Variants in RALY observed in about 807,000 individuals in gnomAD.
RALY encodes the protein RALY heterogeneous nuclear ribonucleoprotein, also known as RNA-binding protein Raly.
A neutral mutation model predicts 30.7 loss-of-function variants in RALY; 15 were observed. That is an observed-to-expected ratio of 0.49 (90% CI 0.33 to 0.75). The LOEUF is 0.75. Among genes scored for constraint, RALY ranks in the 30% least tolerant of loss-of-function variants. The pLI is 0.02. For synonymous variants in RALY, 177 were observed against 170.8 expected (o/e 1.04, Z -0.28); for missense variants, 339 against 414.3 (o/e 0.82, Z 1.58).
chr20:34,003,740 C>T (rs1403789302), intron 1 of RALY, among the ~76,000 whole-genome samples: 2 of 146,262 alleles, frequency 1.4e-5, no homozygotes, highest in East Asian at 2.1e-4. Flanking sequence ...CCCGGGTTCA[C>T]GCCATTCTCC....
intron 2 of RALY, among the ~76,000 whole-genome samples, chr20:34,057,769 G>A (rs1489747185): frequency 6.6e-5 from 10 of 152,102 alleles, no homozygotes; most frequent in South Asian, 2.1e-4. Context: ...TTAAAGAATG[G>A]TAATAAGAAT....
At position 34,044,828 on chromosome 20, in the gene RALY, A is replaced by G. The variant is rs567195749; in HGVS notation, c.-10+13224A>G. On this transcript the variant is annotated intron_variant, in intron 2 of 9. Coordinates refer to ENST00000246194, the MANE Select transcript of RALY (RefSeq NM_016732.3). ...ACAGTGTTTATACTTACATACATTC[A>G]GTTATCCATTCAACAGATGTCTGAT... Among the ~76,000 whole-genome samples, 18 of 152,340 alleles carry G rather than the reference A, an allele frequency of 1.2e-4. 1 individual carries two copies. The South Asian group carries it at 3.7e-3, about 32-fold the overall frequency.
chr20:34,066,996 C>T (rs1267618825), intron 2 of RALY, among the ~76,000 whole-genome samples: 1 of 152,176 alleles, frequency 6.6e-6, no homozygotes, highest in African/African-American at 2.4e-5. Flanking sequence ...CAAGGCATCC[C>T]TGTGCCATGT....
At chr20:34,073,480 A>G (rs2033788724) in intron 3 of RALY, 83 bp from the exon 4 acceptor site, 2 of 1,295,958 alleles carry the variant, frequency 1.5e-6, no homozygotes, top group Non-Finnish European at 2.2e-6. Context: ...AAGCACATGA[A>G]TTGCTGTGCG....
At chr20:34,062,869 C>T (rs1025527640) in intron 2 of RALY, among the ~76,000 whole-genome samples, 3 of 152,196 alleles carry the variant, frequency 2.0e-5, no homozygotes, top group Admixed American at 6.5e-5. Context: ...AGGAATGGGG[C>T]GGGGGCCATC....
chr20:33,999,096 C>G (rs145738431), intron 1 of RALY, among the ~76,000 whole-genome samples: 2,432 of 146,474 alleles, frequency 0.017, 36 homozygotes, highest in Non-Finnish European at 0.027. Flanking sequence ...AACCACTGCA[C>G]TCCAGCCTGG....
chr20:34,041,845 C>T (rs1009753387), intron 2 of RALY, among the ~76,000 whole-genome samples: 3 of 152,062 alleles, frequency 2.0e-5, no homozygotes, highest in African/African-American at 7.2e-5. Context: ...TGGCTCATGC[C>T]TGTAATTGCC....
At chr20:34,038,442 TG>T (rs2032580541) in intron 2 of RALY, among the ~76,000 whole-genome samples, 1 of 152,216 alleles carries the variant, frequency 6.6e-6, no homozygotes, top group South Asian at 2.1e-4. Context: ...TGGGACAGAT[TG>T]GGGGGTGCTC....
At chr20:34,052,540 C>G (rs2033111344) in intron 2 of RALY, among the ~76,000 whole-genome samples, 1 of 152,178 alleles carries the variant, frequency 6.6e-6, no homozygotes, top group African/African-American at 2.4e-5. Context: ...TCCTGCAAAC[C>G]ACTAATCAGA....
chr20:34,073,461 A>C, intron 3 of RALY, 102 bp from the exon 4 acceptor site: 17 of 1,074,520 alleles, frequency 1.6e-5, no homozygotes, highest in Non-Finnish European at 2.0e-5. Context: ...ATCCATGTGT[A>C]TACCGTGTAA....
intron 2 of RALY, among the ~76,000 whole-genome samples, chr20:34,063,473 G>A (rs1232664315): frequency 1.3e-5 from 2 of 152,186 alleles, no homozygotes; most frequent in Non-Finnish European, 2.9e-5. Context: ...CTGAGTCTCA[G>A]TTGTATCTGT....
At chr20:34,015,920 T>C (rs979317044) in intron 1 of RALY, among the ~76,000 whole-genome samples, 2 of 152,144 alleles carry the variant, frequency 1.3e-5, no homozygotes, top group African/African-American at 4.8e-5. Flanking sequence ...CCTTACACTT[T>C]CAAGCCATCT....
rs17091476 is a variant in RALY at position 34,042,603 on chromosome 20, T to A, written c.-10+10999T>A. On this transcript the variant is annotated intron_variant, in intron 2 of 9. Transcript: ENST00000246194. ...AATTTTCATACATAGAGTGAGCATGTGTCAGGTTTTGTTTAACTGATTAAT... is the reference window on the plus strand; with the variant it reads ...AATTTTCATACATAGAGTGAGCATGAGTCAGGTTTTGTTTAACTGATTAAT... Among the ~76,000 whole-genome samples the A allele has an allele frequency of 7.9e-4, 120 of 152,318 alleles. 1 individual carries two copies. In the East Asian group the frequency reaches 0.023, roughly 29 times the overall value.
At chr20:34,079,642 T>C (rs562835060) in intron 9 of RALY, among the ~76,000 whole-genome samples, 36 of 152,322 alleles carry the variant, frequency 2.4e-4, no homozygotes, top group East Asian at 1.2e-3. Context: ...GCCATCCTGC[T>C]ACACCCCTTT....
chr20:34,042,998 A>T (rs2032755367), intron 2 of RALY, among the ~76,000 whole-genome samples: 1 of 152,272 alleles, frequency 6.6e-6, no homozygotes, highest in Admixed American at 6.5e-5. Context: ...AAAAATGATC[A>T]GAACCTCTTG....
intron 2 of RALY, among the ~76,000 whole-genome samples, chr20:34,032,464 T>TA (rs1241273662): frequency 1.3e-5 from 2 of 152,040 alleles, no homozygotes; most frequent in African/African-American, 2.4e-5. Flanking sequence ...ATTAAGAACT[T>TA]ACTATGTTAC....
chr20:34,037,527 G>C (rs547874973), intron 2 of RALY, among the ~76,000 whole-genome samples: 2 of 152,304 alleles, frequency 1.3e-5, no homozygotes, highest in East Asian at 3.9e-4. Context: ...AAGGCTTACA[G>C]TGCAGATGCC....
At chr20:33,997,881 G>A (rs2030716088) in intron 1 of RALY, among the ~76,000 whole-genome samples, 1 of 152,122 alleles carries the variant, frequency 6.6e-6, no homozygotes, top group African/African-American at 2.4e-5. Flanking sequence ...ATGATCATGT[G>A]TCTGGTCATG....
At chr20:34,058,468 C>G (rs542730412) in intron 2 of RALY, among the ~76,000 whole-genome samples, 1 of 150,606 alleles carries the variant, frequency 6.6e-6, no homozygotes, top group Admixed American at 6.6e-5. Flanking sequence ...CTGAAAGGAA[C>G]GGTTCACCTG....
Sources: allele counts gnomAD v4.1 joint callset (sites outside exome capture counted in the v4.1 genomes callset), GRCh38; gene constraint gnomAD v4.1.1; transcripts MANE v1.5; gene names NCBI Gene and HGNC (gene_info 2026-07-23, HGNC 2026-07-21).